CNTN5: variants seen among roughly 807,000 people sequenced by gnomAD.
CNTN5 encodes the protein contactin-5.
In CNTN5, 77 loss-of-function variants were observed where a neutral mutation model predicts 129.1. The observed-to-expected ratio is 0.60, with a 90% confidence interval of 0.50 to 0.72. The LOEUF (loss-of-function observed/expected upper bound fraction) is 0.72. Ranked by LOEUF, CNTN5 falls within the 30% of genes least tolerant of loss-of-function variation. CNTN5 has a pLI of 0.00. For missense variants in CNTN5, 1,478 were observed against 1,328.8 expected, an observed-to-expected ratio of 1.11 and a Z score of -1.75; for synonymous variants, 509 against 465.6, an observed-to-expected ratio of 1.09 and a Z score of -1.20.
intron 1 of CNTN5, among the ~76,000 whole-genome samples, chr11:99,153,519 T>C (rs902917164): frequency 6.6e-6 from 1 of 151,954 alleles, no homozygotes. Flanking sequence ...AATAACCATT[T>C]TGTCTTTCAG....
chr11:99,786,539 A>G (rs928937342), intron 3 of CNTN5, among the ~76,000 whole-genome samples: 1 of 152,238 alleles, frequency 6.6e-6, no homozygotes, highest in African/African-American at 2.4e-5. Flanking sequence ...AAGAGCCCAT[A>G]TAGCCAAGAC....
chr11:99,056,291 A>T (rs538523423), intron 1 of CNTN5, among the ~76,000 whole-genome samples: 11 of 152,148 alleles, frequency 7.2e-5, no homozygotes, highest in African/African-American at 2.6e-4. Flanking sequence ...TATTGGTACT[A>T]AACAAAAGAT....
intron 6 of CNTN5, among the ~76,000 whole-genome samples, chr11:99,886,350 G>A (rs959892165): frequency 1.3e-5 from 2 of 152,022 alleles, no homozygotes; most frequent in Admixed American, 1.3e-4. Context: ...TAAAATATGT[G>A]TAAGTATGTA....
At chr11:99,720,727 A>G (rs1404049963) in intron 3 of CNTN5, among the ~76,000 whole-genome samples, 3 of 152,298 alleles carry the variant, frequency 2.0e-5, no homozygotes, top group Non-Finnish European at 4.4e-5. Flanking sequence ...TGCAGGTGAC[A>G]TGATTCTATA....
At chr11:99,420,161 G>C (rs1222704153) in intron 2 of CNTN5, among the ~76,000 whole-genome samples, 2 of 152,092 alleles carry the variant, frequency 1.3e-5, no homozygotes, top group Non-Finnish European at 2.9e-5. Context: ...TGACTCCATT[G>C]ACTGGTACGG....
At chr11:99,180,785 G>T (rs549813526) in intron 1 of CNTN5, among the ~76,000 whole-genome samples, 1 of 152,242 alleles carries the variant, frequency 6.6e-6, no homozygotes, top group East Asian at 1.9e-4. Flanking sequence ...AAGCACAGGA[G>T]AATTAGAAGC....
chr11:99,668,437 G>C (rs1055954436), intron 3 of CNTN5, among the ~76,000 whole-genome samples: 1 of 152,064 alleles, frequency 6.6e-6, no homozygotes, highest in Non-Finnish European at 1.5e-5. Flanking sequence ...GTGCTGACCA[G>C]CGCCCATGGG....
At position 99,957,078 on chromosome 11, in the gene CNTN5, G is replaced by T. The variant is rs1039443653; in HGVS notation, c.877+69G>T. The stretch of plus-strand genomic sequence containing the variant: ...GGAAAATAAAGATGTATTAGTGTGT[G>T]TTTTTTTTTTAAGACCTGGAACTTA... On this transcript the variant is annotated intron_variant, in intron 8 of 24. Coordinates refer to ENST00000524871, the MANE Select transcript of CNTN5 (RefSeq NM_014361.4). The T allele has an allele frequency of 1.3e-3, 1,481 of 1,149,862 alleles. 10 individuals are homozygous for T. Among genetic ancestry groups the T allele is most frequent in the Non-Finnish European group, 4.0e-4 (334 of 838,906 alleles). The allele number at this position is 1,149,862 out of a possible 1,614,324, so 71.2% of individuals were successfully genotyped here.
intron 3 of CNTN5, among the ~76,000 whole-genome samples, chr11:99,769,832 A>G (rs1944884580): frequency 6.8e-6 from 1 of 147,904 alleles, no homozygotes; most frequent in South Asian, 2.2e-4. Flanking sequence ...AAAAAAAACA[A>G]TCTGATTTAA....
intron 13 of CNTN5, among the ~76,000 whole-genome samples, chr11:100,186,757 C>T (rs1948311876): frequency 6.6e-6 from 1 of 152,124 alleles, no homozygotes; most frequent in Non-Finnish European, 1.5e-5. Context: ...AATTAATCCC[C>T]ATATATGAAA....
At chr11:100,047,842 G>GA (rs140573537) in intron 9 of CNTN5, among the ~76,000 whole-genome samples, 84,172 of 151,804 alleles carry the variant, frequency 0.55, 24,213 homozygotes, top group East Asian at 0.75. Context: ...TTTTTATAAA[G>GA]AAAAAAGAGG....
intron 3 of CNTN5, among the ~76,000 whole-genome samples, chr11:99,645,563 T>C (rs1013558389): frequency 1.3e-5 from 2 of 152,030 alleles, no homozygotes; most frequent in Non-Finnish European, 2.9e-5. Flanking sequence ...TGTCCATTAA[T>C]GATAGACTGG....
At chr11:99,166,973 A>ATACT (rs1445407995) in intron 1 of CNTN5, among the ~76,000 whole-genome samples, 9 of 152,174 alleles carry the variant, frequency 5.9e-5, no homozygotes, top group African/African-American at 2.2e-4. Flanking sequence ...GCGCAAGTGA[A>ATACT]TACTTACCTT....
At chr11:100,157,510 TA>T (rs57879098) in intron 13 of CNTN5, among the ~76,000 whole-genome samples, 329 of 146,682 alleles carry the variant, frequency 2.2e-3, no homozygotes, top group African/African-American at 5.8e-3. Context: ...CTCAATCTTG[TA>T]AAAAAAAAAA....
intron 2 of CNTN5, among the ~76,000 whole-genome samples, chr11:99,428,459 G>T (rs1943225534): frequency 6.7e-6 from 1 of 150,302 alleles, no homozygotes; most frequent in South Asian, 2.1e-4. Context: ...TATTTGGGAG[G>T]TTAAGGTGAG....
At chr11:100,283,680 T>C (rs1300132869) in intron 18 of CNTN5, among the ~76,000 whole-genome samples, 1 of 152,150 alleles carries the variant, frequency 6.6e-6, no homozygotes, top group Non-Finnish European at 1.5e-5. Context: ...GCGCTGTGGC[T>C]CACACCTGTA....
chr11:99,309,825 A>T (rs1052586844), intron 1 of CNTN5, among the ~76,000 whole-genome samples: 56 of 152,194 alleles, frequency 3.7e-4, no homozygotes, highest in Non-Finnish European at 7.2e-4. Context: ...TTTTTTAAAA[A>T]TTTAACTATT....
intron 8 of CNTN5, among the ~76,000 whole-genome samples, chr11:99,958,970 G>C (rs535817729): frequency 7.2e-5 from 11 of 152,272 alleles, no homozygotes; most frequent in Admixed American, 2.0e-4. Flanking sequence ...CAGTGTCCAT[G>C]TGCAAGAGTG....
At chr11:99,044,589 T>C (rs1390328513) in intron 1 of CNTN5, among the ~76,000 whole-genome samples, 1 of 152,166 alleles carries the variant, frequency 6.6e-6, no homozygotes, top group Non-Finnish European at 1.5e-5. Flanking sequence ...ATGCAGGCCC[T>C]GTTGACAGGC....
Sources: gnomAD v4.1 joint callset for allele counts (sites outside exome capture counted in the v4.1 genomes callset) on GRCh38, gnomAD v4.1.1 for gene constraint, MANE v1.5 for transcripts, NCBI Gene and HGNC (gene_info 2026-07-23, HGNC 2026-07-21) for gene names.